ZNF512: variants seen among roughly 807,000 people sequenced by gnomAD.
The protein encoded by ZNF512 is zinc finger protein 512.
A neutral mutation model predicts 77.5 loss-of-function variants in ZNF512; 25 were observed. The observed-to-expected ratio is 0.32, with a 90% CI of 0.23 to 0.45. The LOEUF (loss-of-function observed/expected upper bound fraction) is 0.45. ZNF512 is among the 20% of genes least tolerant of loss of function. ZNF512 has a pLI of 1.00. For missense variants in ZNF512, 483 were observed against 692.6 expected (o/e 0.70, Z 3.40); for synonymous variants, 246 against 239.9 (o/e 1.03, Z -0.24).
intron 10 of ZNF512, among the ~76,000 whole-genome samples, chr2:27,612,323 GCC>G (rs1672702009): frequency 6.6e-6 from 1 of 151,874 alleles, no homozygotes; most frequent in African/African-American, 2.4e-5. Context: ...TCCTGCCCCA[GCC>G]CTGGAATCAA....
At chr2:27,618,974 T>G (rs1447335334) in intron 13 of ZNF512, among the ~76,000 whole-genome samples, 1 of 152,232 alleles carries the variant, frequency 6.6e-6, no homozygotes, top group Admixed American at 6.5e-5. Flanking sequence ...TGAGCTTTAA[T>G]TACTTCCATA....
At chr2:27,610,520 ATG>A (rs1208727610) in intron 10 of ZNF512, among the ~76,000 whole-genome samples, 15 of 115,218 alleles carry the variant, frequency 1.3e-4, no homozygotes, top group Admixed American at 1.0e-4. Flanking sequence ...ATGTGTGTAT[ATG>A]TGTGTGTATA....
At chr2:27,593,557 G>A (rs1671701421) in intron 2 of ZNF512, among the ~76,000 whole-genome samples, 1 of 152,150 alleles carries the variant, frequency 6.6e-6, no homozygotes, top group African/African-American at 2.4e-5. Context: ...AGAGGTCCAA[G>A]CTGCAGTGAG....
chr2:27,588,835 T>G (rs1191813420), intron 2 of ZNF512, among the ~76,000 whole-genome samples: 5 of 152,192 alleles, frequency 3.3e-5, no homozygotes, highest in Admixed American at 1.3e-4. Flanking sequence ...ATATTGAGTT[T>G]TCTGATTTAT....
At chr2:27,599,774 T>G in intron 4 of ZNF512, 96 bp downstream of exon 4, 1 of 1,250,938 alleles carries the variant, frequency 8.0e-7, no homozygotes, top group Non-Finnish European at 1.1e-6. Context: ...AGCCCTTCAG[T>G]GACCTCTGAG....
At chr2:27,587,750 C>T (rs906105693) in intron 2 of ZNF512, among the ~76,000 whole-genome samples, 2 of 151,422 alleles carry the variant, frequency 1.3e-5, no homozygotes, top group East Asian at 1.9e-4. Context: ...GGTGCAATCT[C>T]GGCTCACTGC....
chr2:27,608,118 T>A (rs1201484441), intron 10 of ZNF512, 79 bp downstream of exon 10: 1 of 1,344,452 alleles, frequency 7.4e-7, no homozygotes, highest in East Asian at 2.6e-5. Context: ...GTAAATGCAC[T>A]TGAGGAAGTA....
chr2:27,612,555 C>T (rs535852356), intron 10 of ZNF512, among the ~76,000 whole-genome samples: 1 of 152,102 alleles, frequency 6.6e-6, no homozygotes, highest in Admixed American at 6.5e-5. Context: ...ACCTTCATTT[C>T]CAATCCAACA....
In ZNF512 at chr2:27,601,436, T is replaced by C; in HGVS notation, c.663T>C (p.Asn221=). The C allele has an allele frequency of 6.2e-7, 1 of 1,613,038 alleles. No homozygotes were observed. Among genetic ancestry groups the C allele is most frequent in the Non-Finnish European group, 8.5e-7 (1 of 1,179,448 alleles). The change falls in exon 7 of 14, where the codon AAT becomes AAC. Residue 221 remains asparagine (N), a synonymous_variant. Transcript: ENST00000355467. ...AGTATCATGTCATGGCAAATCATAATAGTTTGGTAAGAGTGTCTTCTGTCT... is the reference window on the plus strand; with the variant it reads ...AGTATCATGTCATGGCAAATCATAACAGTTTGGTAAGAGTGTCTTCTGTCT... ...GMKYHVMANH[N]SLPILKAGDE... is the part of the protein sequence containing the mutation.
At chr2:27,617,238 C>G in intron 12 of ZNF512, 2 of 417,110 alleles carry the variant, frequency 4.8e-6, no homozygotes, top group Non-Finnish European at 8.8e-6. Context: ...AGGAGACTTT[C>G]AGGTTGTGTT....
intron 9 of ZNF512, among the ~76,000 whole-genome samples, chr2:27,604,718 C>A (rs970971458): frequency 6.6e-6 from 1 of 152,116 alleles, no homozygotes; most frequent in African/African-American, 2.4e-5. Flanking sequence ...AAGGTTGAGG[C>A]TGCAGAGCTG....
chr2:27,585,871 G>A (rs1671301153), intron 2 of ZNF512, among the ~76,000 whole-genome samples: 1 of 152,172 alleles, frequency 6.6e-6, no homozygotes, highest in Non-Finnish European at 1.5e-5. Flanking sequence ...TATGGAAAGG[G>A]AAGTTTGAGC....
At chr2:27,598,395 C>T (rs1671965688) in intron 3 of ZNF512, 141 bp downstream of exon 3, 3 of 760,788 alleles carry the variant, frequency 3.9e-6, no homozygotes, top group Non-Finnish European at 6.1e-6. Flanking sequence ...TTTGGGAGGT[C>T]GAGGCGGGCG....
intron 2 of ZNF512, among the ~76,000 whole-genome samples, chr2:27,588,402 G>A (rs1249017202): frequency 2.0e-5 from 3 of 151,992 alleles, no homozygotes; most frequent in Non-Finnish European, 4.4e-5. Flanking sequence ...TCTCCTAGAA[G>A]TTTTATAGGT....
intron 9 of ZNF512, among the ~76,000 whole-genome samples, chr2:27,604,866 A>G (rs372759226): frequency 3.3e-5 from 5 of 152,344 alleles, no homozygotes; most frequent in African/African-American, 1.2e-4. Flanking sequence ...CTCCAGCTAC[A>G]GCCTCTGGCA....
chr2:27,596,111 TTG>T (rs1440727691), intron 2 of ZNF512, among the ~76,000 whole-genome samples: 1 of 152,232 alleles, frequency 6.6e-6, no homozygotes, highest in Non-Finnish European at 1.5e-5. Flanking sequence ...TTGGAGGCAT[TTG>T]TTAAAATCTC....
chr2:27,620,146 T>C (rs1257053951), intron 13 of ZNF512, among the ~76,000 whole-genome samples: 3 of 152,148 alleles, frequency 2.0e-5, no homozygotes, highest in Non-Finnish European at 2.9e-5. Context: ...TTAATAATTA[T>C]TAAGCCCAAT....
At chr2:27,594,099 A>T (rs1671724424) in intron 2 of ZNF512, among the ~76,000 whole-genome samples, 1 of 152,244 alleles carries the variant, frequency 6.6e-6, no homozygotes, top group Non-Finnish European at 1.5e-5. Flanking sequence ...CACTTGGAAG[A>T]TTGCACAGCG....
At chr2:27,613,200 TTAA>T (rs1423473421) in intron 10 of ZNF512, among the ~76,000 whole-genome samples, 2 of 152,134 alleles carry the variant, frequency 1.3e-5, no homozygotes, top group African/African-American at 4.8e-5. Context: ...TTTATTTCAC[TTAA>T]TAATATAGTT....
Sources: gnomAD v4.1 joint callset for allele counts (sites outside exome capture counted in the v4.1 genomes callset) on GRCh38, gnomAD v4.1.1 for gene constraint, MANE v1.5 for transcripts, NCBI Gene and HGNC (gene_info 2026-07-23, HGNC 2026-07-21) for gene names.